Variants in TAFA4 observed in about 807,000 individuals in gnomAD.
The protein encoded by TAFA4 is chemokine-like protein TAFA-4.
TAFA4 carries 20 observed loss-of-function variants against 21.1 expected under a neutral mutation model. The observed-to-expected ratio is 0.95, with a 90% CI of 0.67 to 1.38. The LOEUF (loss-of-function observed/expected upper bound fraction) is 1.38. Among genes scored for constraint, TAFA4 ranks in the 40% most tolerant of loss-of-function variants. The pLI, the probability that TAFA4 is intolerant of heterozygous loss-of-function variation, is 0.00. For missense variants in TAFA4, 211 were observed against 180.9 expected (o/e 1.17, Z -0.95); for synonymous variants, 71 against 67.4 (o/e 1.05, Z -0.26).
chr3:68,873,498 T>G (rs1490004), intron 3 of TAFA4, among the ~76,000 whole-genome samples: 106,274 of 151,926 alleles, frequency 0.7, 37,801 homozygotes, highest in East Asian at 0.98. Context: ...CCCTTTCAAT[T>G]TGGGTATTAT....
At chr3:68,843,595 G>A (rs6549151) in intron 3 of TAFA4, among the ~76,000 whole-genome samples, 3 of 152,062 alleles carry the variant, frequency 2.0e-5, no homozygotes, top group South Asian at 4.1e-4. Context: ...TGTCTTGTGC[G>A]AGTTTTCAAG....
chr3:68,853,526 G>C (rs1704997638), intron 3 of TAFA4, among the ~76,000 whole-genome samples: 1 of 151,976 alleles, frequency 6.6e-6, no homozygotes, highest in South Asian at 2.1e-4. Context: ...GGAGAGGATG[G>C]GTCTCTCCCT....
chr3:68,906,450 G>T (rs1259748088), intron 1 of TAFA4, among the ~76,000 whole-genome samples: 2 of 152,134 alleles, frequency 1.3e-5, no homozygotes, highest in African/African-American at 4.8e-5. Flanking sequence ...TTGAAAACTT[G>T]TTTACATTAG....
chr3:68,919,658 T>C (rs2090039378), intron 1 of TAFA4, among the ~76,000 whole-genome samples: 4 of 152,214 alleles, frequency 2.6e-5, no homozygotes, highest in African/African-American at 7.2e-5. Context: ...AAGTGACATG[T>C]TGCTTAGTGG....
At chr3:68,861,161 T>C (rs2089337488) in intron 3 of TAFA4, among the ~76,000 whole-genome samples, 1 of 151,542 alleles carries the variant, frequency 6.6e-6, no homozygotes, top group Non-Finnish European at 1.5e-5. Flanking sequence ...ATTGTTTCCA[T>C]TTGTCTTTCT....
intron 3 of TAFA4, among the ~76,000 whole-genome samples, chr3:68,879,564 C>T (rs974108418): frequency 1.3e-5 from 2 of 152,160 alleles, no homozygotes; most frequent in Non-Finnish European, 2.9e-5. Flanking sequence ...AGCACAATAA[C>T]CAACTAGCTG....
chr3:68,871,746 G>A (rs2089485355), intron 3 of TAFA4, among the ~76,000 whole-genome samples: 1 of 152,020 alleles, frequency 6.6e-6, no homozygotes, highest in South Asian at 2.1e-4. Context: ...CAAAAGAGTT[G>A]AATAAACATT....
At chr3:68,896,521 A>T (rs901385917) in intron 1 of TAFA4, among the ~76,000 whole-genome samples, 1 of 152,236 alleles carries the variant, frequency 6.6e-6, no homozygotes, top group African/African-American at 2.4e-5. Flanking sequence ...TGTTATTACC[A>T]GTCTTGCAAT....
chr3:68,852,048 T>C (rs929073044), intron 3 of TAFA4, among the ~76,000 whole-genome samples: 7 of 152,134 alleles, frequency 4.6e-5, no homozygotes, highest in African/African-American at 1.7e-4. Context: ...CTGATGCAAG[T>C]GGCCAAAGAC....
At chr3:68,746,020 C>G (rs1421235834) in intron 4 of TAFA4, among the ~76,000 whole-genome samples, 2 of 152,174 alleles carry the variant, frequency 1.3e-5, no homozygotes. Flanking sequence ...CACCTGCCAG[C>G]ACAGCTAGGA....
chr3:68,812,408 G>C (rs1008678470), intron 3 of TAFA4, among the ~76,000 whole-genome samples: 21 of 152,176 alleles, frequency 1.4e-4, no homozygotes, highest in African/African-American at 5.1e-4. Context: ...AGACCCATCA[G>C]TGTGCTGTAT....
At chr3:68,805,256 A>T (rs1314249988) in intron 3 of TAFA4, among the ~76,000 whole-genome samples, 1 of 152,216 alleles carries the variant, frequency 6.6e-6, no homozygotes, top group Non-Finnish European at 1.5e-5. Flanking sequence ...ACAATGAGAT[A>T]CCATCTCACA....
chr3:68,849,983 A>C (rs1051881319), intron 3 of TAFA4, among the ~76,000 whole-genome samples: 29 of 152,220 alleles, frequency 1.9e-4, no homozygotes, highest in Admixed American at 6.5e-5. Context: ...TGATGATTTG[A>C]TAAAGGTACA....
intron 3 of TAFA4, among the ~76,000 whole-genome samples, chr3:68,771,151 C>T (rs1241180294): frequency 1.3e-5 from 2 of 152,272 alleles, no homozygotes; most frequent in South Asian, 2.1e-4. Flanking sequence ...GAGCTACCTC[C>T]ACCACTCAAT....
chr3:68,821,642 T>C (rs1356711501), intron 3 of TAFA4, among the ~76,000 whole-genome samples: 1 of 151,380 alleles, frequency 6.6e-6, no homozygotes, highest in African/African-American at 2.4e-5. Context: ...AGAAAACAAG[T>C]CCTGAATGAT....
At chr3:68,927,708 G>A (rs1240816433) in intron 1 of TAFA4, among the ~76,000 whole-genome samples, 1 of 152,080 alleles carries the variant, frequency 6.6e-6, no homozygotes, top group African/African-American at 2.4e-5. Context: ...ACACCAGCCT[G>A]GGGAACATGC....
At chr3:68,892,695 C>A (rs1382008568) in intron 1 of TAFA4, among the ~76,000 whole-genome samples, 1 of 152,176 alleles carries the variant, frequency 6.6e-6, no homozygotes, top group Non-Finnish European at 1.5e-5. Flanking sequence ...ACTTTAAGAA[C>A]TGAGAAATTC....
intron 3 of TAFA4, among the ~76,000 whole-genome samples, chr3:68,819,354 C>G (rs1379667152): frequency 6.8e-6 from 1 of 147,688 alleles, no homozygotes; most frequent in East Asian, 2.0e-4. Flanking sequence ...GCCTGTGTTT[C>G]TTTGTCTTGT....
At chr3:68,902,384 T>G (rs920360415) in intron 1 of TAFA4, among the ~76,000 whole-genome samples, 39 of 152,140 alleles carry the variant, frequency 2.6e-4, no homozygotes, top group African/African-American at 7.0e-4. Context: ...CTTTTTTTTT[T>G]GGAGACAGGG....
Sources: gnomAD v4.1 joint callset for allele counts (sites outside exome capture counted in the v4.1 genomes callset) on GRCh38, gnomAD v4.1.1 for gene constraint, MANE v1.5 for transcripts, NCBI Gene and HGNC (gene_info 2026-07-23, HGNC 2026-07-21) for gene names.